Variants in CFAP69 observed in about 807,000 individuals in gnomAD.
CFAP69 encodes cilia- and flagella-associated protein 69.
A neutral mutation model predicts 123.0 loss-of-function variants in CFAP69; 92 were observed. That is an observed-to-expected ratio of 0.75 (90% CI 0.63 to 0.89). CFAP69 has a LOEUF of 0.89. Ranked by LOEUF, CFAP69 falls within the 40% of genes least tolerant of loss-of-function variation. The pLI is 0.00. For synonymous variants in CFAP69, 380 were observed against 364.3 expected, an observed-to-expected ratio of 1.04 and a Z score of -0.49; for missense variants, 1,067 against 1,096.9, an observed-to-expected ratio of 0.97 and a Z score of 0.39.
intron 12 of CFAP69, among the ~76,000 whole-genome samples, chr7:90,281,095 C>T (rs1789420285): frequency 6.6e-6 from 1 of 152,122 alleles, no homozygotes; most frequent in African/African-American, 2.4e-5. Flanking sequence ...CTTTAAACAC[C>T]TTCCAAGTAT....
intron 1 of CFAP69, among the ~76,000 whole-genome samples, chr7:90,247,240 A>G (rs191049155): frequency 7.7e-4 from 117 of 152,322 alleles, no homozygotes; most frequent in African/African-American, 2.5e-3. Context: ...TTCTTTACTC[A>G]TAGAATGGGG....
chr7:90,258,407 T>C lies in CFAP69; in HGVS notation c.246+244T>C, dbSNP rs115715251. Among the ~76,000 whole-genome samples, 1,239 of 152,274 alleles carry C rather than the reference T, an allele frequency of 8.1e-3. 16 individuals are homozygous for C. Among genetic ancestry groups the C allele is most frequent in the African/African-American group, 0.029 (1,186 of 41,560 alleles). ...AAGACTCTAGAAAGGAATCATTTCC[T>C]TGCCTTCCCCAGCTTCTGGAGGCTT... On this transcript the variant is annotated intron_variant, in intron 3 of 22. Coordinates refer to ENST00000389297, the MANE Select transcript of CFAP69 (RefSeq NM_001039706.3).
intron 9 of CFAP69, 89 bp from the exon 10 acceptor site, chr7:90,276,984 A>C (rs902909641): frequency 1.1e-5 from 10 of 929,012 alleles, no homozygotes; most frequent in Non-Finnish European, 1.5e-5. Flanking sequence ...GAATTTGATA[A>C]ATGTACTTAA....
At chr7:90,288,139 TG>T in intron 14 of CFAP69, 94 bp from the exon 15 acceptor site, 1 of 891,750 alleles carries the variant, frequency 1.1e-6, no homozygotes, top group South Asian at 2.0e-5. Flanking sequence ...TGTATTTCTC[TG>T]GTAAAAAAGC....
At chr7:90,249,265 T>C (rs2374257) in intron 1 of CFAP69, among the ~76,000 whole-genome samples, 6,964 of 152,228 alleles carry the variant, frequency 0.046, 214 homozygotes, top group South Asian at 0.11. Context: ...TCTCTGTCTT[T>C]CCTGCCACCT....
chr7:90,282,892 A>T lies in CFAP69; in HGVS notation c.1373A>T (p.Asp458Val), dbSNP rs374423081. Residue 458 changes from aspartate to valine, a missense_variant and splice_region_variant, in exon 13 of 23, where the codon GAT becomes GTT. Asp to Val is a radical substitution (Grantham distance 152). Transcript: ENST00000389297. ...LAFLEWCESEDPFFSHGNSFH... is the reference protein window; with the variant it reads ...LAFLEWCESEVPFFSHGNSFH... The stretch of plus-strand genomic sequence containing the variant: ...TTAAATTATCACTTTTTCTCCACAG[A>T]TCCGTTTTTCAGTCATGGTAACAGT... The T allele has an allele frequency of 2.7e-6, 4 of 1,470,494 alleles. No individual in the cohort carries two copies. The highest frequency in any genetic ancestry group is 3.6e-6 in the Non-Finnish European group (4 of 1,108,410). The allele number at this position is 1,470,494 out of a possible 1,614,324, so 91.1% of individuals were successfully genotyped here.
At chr7:90,266,240 G>A (rs540359113) in intron 5 of CFAP69, 7 of 152,138 alleles carry the variant, frequency 4.6e-5, no homozygotes, top group African/African-American at 1.4e-4. Context: ...AGGTTTTATA[G>A]TTTTTAGTTA....
At chr7:90,297,502 T>C (rs1235785450) in intron 15 of CFAP69, among the ~76,000 whole-genome samples, 3 of 152,188 alleles carry the variant, frequency 2.0e-5, no homozygotes, top group Non-Finnish European at 4.4e-5. Context: ...AAGGAGAATG[T>C]TTTATTTGTA....
chr7:90,277,247 G>GCA lies in CFAP69; in HGVS notation c.1069_1070insAC (p.Leu357HisfsTer11), dbSNP rs764048407. 2.5e-6 allele frequency: 4 copies of GCA among 1,589,232 alleles called. No homozygotes were observed. In the East Asian group the frequency reaches 9.0e-5, roughly 36 times the overall value. On this transcript the variant is annotated frameshift_variant, in exon 11 of 23. Transcript: ENST00000389297. LOFTEE classifies it high-confidence loss of function. ...AAAATCTTTTGGTAAAAGGACTTAA[G>GCA]CTTTCTAATTCCTATGAAGATTTTG...
chr7:90,308,600 A>G (rs1345298973), intron 21 of CFAP69, among the ~76,000 whole-genome samples: 1 of 152,196 alleles, frequency 6.6e-6, no homozygotes, highest in Non-Finnish European at 1.5e-5. Flanking sequence ...ATATTAAGAT[A>G]GCAAAACCAA....
In CFAP69 at chr7:90,261,136, A is replaced by G. The variant is rs533904371; in HGVS notation, c.247-811A>G. ...ACTGTGTCACTCAGGCTGCAGTGCA[A>G]TGGCATGATCTCAGCTCACTGCAAT... On this transcript the variant is annotated intron_variant, in intron 3 of 22. Coordinates refer to ENST00000389297, the MANE Select transcript of CFAP69 (RefSeq NM_001039706.3). Among the ~76,000 whole-genome samples, 4 of 151,752 alleles carry G rather than the reference A, an allele frequency of 2.6e-5. No individual in the cohort carries two copies. The South Asian group carries it at 8.3e-4, about 32-fold the overall frequency.
Position 90,271,903 on chromosome 7 carries a change from GAAAA to G in CFAP69, c.807_810del (p.Glu269AspfsTer20), listed in dbSNP as rs771439206. ...ATCAGAAATACTTTGGAACTTGCTG[GAAAA>G]ATCTTCAAAAGAAGAAGTCATACAA... On this transcript the variant is annotated frameshift_variant, in exon 8 of 23. Coordinates refer to ENST00000389297, the MANE Select transcript of CFAP69 (RefSeq NM_001039706.3). LOFTEE classifies it high-confidence loss of function. 26 of 1,613,054 alleles carry G rather than the reference GAAAA, an allele frequency of 1.6e-5. No individual in the cohort carries two copies. The highest frequency in any genetic ancestry group is 2.1e-5 in the Non-Finnish European group (25 of 1,179,436).
Position 90,271,609 on chromosome 7 carries a change from T to C in CFAP69, c.616T>C (p.Leu206=). The change falls in exon 7 of 23, where the codon TTG becomes CTG. Residue 206 remains leucine, a synonymous_variant. Coordinates refer to ENST00000389297, the MANE Select transcript of CFAP69 (RefSeq NM_001039706.3). Reference sequence around the variant, plus strand: ...AAAAACAATGGTCCAGTCAATGACCTTGCTTGAAAATCAACTTGTTGAGAA... The same window carrying C: ...AAAAACAATGGTCCAGTCAATGACCCTGCTTGAAAATCAACTTGTTGAGAA... ...LAKTMVQSMT[L]LENQLVEKLW... is the part of the protein sequence containing the mutation. 6.2e-7 allele frequency: 1 copy of C among 1,613,726 alleles called. No individual in the cohort carries two copies. The highest frequency in any genetic ancestry group is 8.5e-7 in the Non-Finnish European group (1 of 1,179,684).
At chr7:90,283,895 T>A (rs999487563) in intron 13 of CFAP69, among the ~76,000 whole-genome samples, 1 of 152,022 alleles carries the variant, frequency 6.6e-6, no homozygotes, top group Non-Finnish European at 1.5e-5. Context: ...CCAATAATAA[T>A]AATAATAATA....
At chr7:90,277,856 C>A (rs1223707756) in intron 11 of CFAP69, among the ~76,000 whole-genome samples, 1 of 152,068 alleles carries the variant, frequency 6.6e-6, no homozygotes, top group Admixed American at 6.5e-5. Context: ...AACTGAATTT[C>A]ACTTCTGGCT....
At chr7:90,288,734 GAGTC>G (rs1366706140) in intron 15 of CFAP69, among the ~76,000 whole-genome samples, 1 of 152,138 alleles carries the variant, frequency 6.6e-6, no homozygotes, top group African/African-American at 2.4e-5. Flanking sequence ...TGCTGTGAGT[GAGTC>G]AGTGAGTGAA....
intron 9 of CFAP69, among the ~76,000 whole-genome samples, chr7:90,275,392 A>G (rs768218846): frequency 1.3e-5 from 2 of 151,960 alleles, no homozygotes; most frequent in Non-Finnish European, 2.9e-5. Flanking sequence ...TATCAGCCAG[A>G]TATTTGGGAA....
At chr7:90,284,350 G>C (rs1395751658) in intron 13 of CFAP69, among the ~76,000 whole-genome samples, 1 of 151,972 alleles carries the variant, frequency 6.6e-6, no homozygotes, top group Non-Finnish European at 1.5e-5. Context: ...CTTGGTGACA[G>C]GTGCACCAAA....
rs1017625990 is a variant in CFAP69 at position 90,306,891 on chromosome 7, G to A, written c.2266-10G>A. ...GGTTAATTTAACTTTGTTAAACTTT[G>A]TTATAACAGATTGGAGAAATATGGA... On this transcript the variant is annotated splice_polypyrimidine_tract_variant and intron_variant, in intron 19 of 22. Coordinates refer to ENST00000389297, the MANE Select transcript of CFAP69 (RefSeq NM_001039706.3). 5 of 1,443,334 alleles carry A rather than the reference G, an allele frequency of 3.5e-6. No homozygotes were observed. In the African/African-American group the frequency reaches 5.7e-5, roughly 16 times the overall value. 89.4% of individuals were successfully genotyped at this position (1,443,334 alleles called of 1,614,324 possible). A position where few individuals can be genotyped will look rare whatever the true frequency, so the allele number is the denominator to read the frequency against.
Sources: gnomAD v4.1 joint callset for allele counts (sites outside exome capture counted in the v4.1 genomes callset) on GRCh38, gnomAD v4.1.1 for gene constraint, MANE v1.5 for transcripts, NCBI Gene and HGNC (gene_info 2026-07-23, HGNC 2026-07-21) for gene names.